MCF2: variants seen among roughly 807,000 people sequenced by gnomAD.
MCF2 encodes MCF.2 cell line derived transforming sequence, also known as proto-oncogene DBL.
A neutral mutation model predicts 82.5 loss-of-function variants in MCF2; 44 were observed. The ratio of observed to expected loss-of-function variants is 0.53; its 90% confidence interval spans 0.42 to 0.69. MCF2 has a LOEUF of 0.69. MCF2 is among the 30% of genes least tolerant of loss of function. MCF2 has a pLI of 0.00. For synonymous variants in MCF2, 217 were observed against 224.9 expected (o/e 0.96, Z 0.32); for missense variants, 623 against 663.1 (o/e 0.94, Z 0.66).
Position 139,585,052 on chromosome X carries a change from A to ATAT in MCF2, c.2745+11_2745+13dup. The stretch of plus-strand genomic sequence containing the variant: ...ACTGCCTCAATAATTTTAATTTACT[A>ATAT]TATTATTACTAACCATGAGGGGCCT... On this transcript the variant is annotated intron_variant, in intron 24 of 24. Transcript: ENST00000370576. 1 of 1,097,749 alleles carries ATAT rather than the reference A, an allele frequency of 9.1e-7. No homozygotes were observed. The highest frequency in any genetic ancestry group is 1.2e-6 in the Non-Finnish European group (1 of 800,874). The allele number at this position is 1,097,749 out of a possible 1,213,427, so 90.5% of individuals were successfully genotyped here.
rs143452284 is a variant in MCF2 at position 139,674,611 on chromosome X, G to C, written c.-44-22823C>G. On this transcript the variant is annotated intron_variant, in intron 1 of 27. Transcript: ENST00000414978. ...TAGTTTGGCTGGATATGAAATTCTGGCTTGAAAATTATTTTCTTTAAGTAT... is the reference window on the plus strand; with the variant it reads ...TAGTTTGGCTGGATATGAAATTCTGCCTTGAAAATTATTTTCTTTAAGTAT... Among the ~76,000 whole-genome samples, 1,111 of 111,903 alleles carry C rather than the reference G, an allele frequency of 9.9e-3. 7 individuals carry two copies. Among genetic ancestry groups the C allele is most frequent in the Non-Finnish European group, 0.017 (882 of 53,194 alleles).
rs776324320 is a variant in MCF2 at position 139,602,669 on chromosome X, A to C, written c.1744-171T>G. On this transcript the variant is annotated intron_variant, in intron 15 of 24. Transcript: ENST00000370576. ...TTTATATTCCAAGAACAGCATGCCC[A>C]TTGCATCTGGTGGGAGGACACATAA... Among the ~76,000 whole-genome samples the C allele has an allele frequency of 3.6e-5, 4 of 112,350 alleles. No homozygotes were observed. In the South Asian group the frequency reaches 1.5e-3, roughly 42 times the overall value.
intron 24 of MCF2, among the ~76,000 whole-genome samples, chrX:139,584,128 C>CAT (rs1184841644): frequency 1.7e-3 from 123 of 72,625 alleles, no homozygotes; most frequent in African/African-American, 6.6e-3. Flanking sequence ...TGCCATTATC[C>CAT]TTTTTTTTTT....
intron 24 of MCF2, among the ~76,000 whole-genome samples, chrX:139,584,428 G>A (rs1395105907): frequency 1.8e-5 from 2 of 111,298 alleles, no homozygotes; most frequent in African/African-American, 6.5e-5. Flanking sequence ...TACCTTCCAA[G>A]CTGGTGACTT....
At chrX:139,688,464 T>C (rs753574969) in intron 1 of MCF2, among the ~76,000 whole-genome samples, 9 of 111,699 alleles carry the variant, frequency 8.1e-5, no homozygotes. Flanking sequence ...AGATGACCCA[T>C]CATCATTGAA....
intron 19 of MCF2, among the ~76,000 whole-genome samples, chrX:139,593,177 G>T (rs955371662): frequency 1.8e-5 from 2 of 111,998 alleles, no homozygotes; most frequent in Non-Finnish European, 3.8e-5. Context: ...TATTTGCATA[G>T]AGGTGTTTAT....
intron 9 of MCF2, among the ~76,000 whole-genome samples, chrX:139,615,623 G>T (rs1426067692): frequency 1.8e-5 from 2 of 111,480 alleles, no homozygotes; most frequent in African/African-American, 3.3e-5. Context: ...GATTTCCTGG[G>T]GCATCCCCTA....
chrX:139,661,378 T>G (rs1474800255), intron 1 of MCF2, among the ~76,000 whole-genome samples: 5 of 111,953 alleles, frequency 4.5e-5, no homozygotes, highest in Non-Finnish European at 9.4e-5. Flanking sequence ...ACAAAGATGT[T>G]GTCCAGGCAG....
At chrX:139,597,322 T>C in intron 18 of MCF2, 138 bp downstream of exon 22, 1 of 495,952 alleles carries the variant, frequency 2.0e-6, no homozygotes. Flanking sequence ...CCACTTAGCA[T>C]TATCAGTAGT....
chrX:139,691,651 G>A (rs1170021527), intron 1 of MCF2, among the ~76,000 whole-genome samples: 2 of 107,710 alleles, frequency 1.9e-5, no homozygotes, highest in African/African-American at 6.8e-5. Flanking sequence ...CTGCAGCGCG[G>A]CAGCTGGCCA....
At chrX:139,611,917 T>C (rs1476971454) in intron 10 of MCF2, among the ~76,000 whole-genome samples, 1 of 110,030 alleles carries the variant, frequency 9.1e-6, no homozygotes, top group African/African-American at 3.3e-5. Flanking sequence ...AAGGAAATAG[T>C]GTTCCAGAGA....
At chrX:139,607,632 T>C (rs1280773588) in intron 12 of MCF2, 59 bp downstream of exon 16, 2 of 846,275 alleles carry the variant, frequency 2.4e-6, no homozygotes, top group Admixed American at 2.6e-5. Flanking sequence ...CCTTGAACAC[T>C]GAACCAGACT....
intron 1 of MCF2, among the ~76,000 whole-genome samples, chrX:139,671,963 ATTTG>A (rs1934711853): frequency 9.0e-6 from 1 of 111,613 alleles, no homozygotes; most frequent in African/African-American, 3.3e-5. Flanking sequence ...ATGTTCTTCC[ATTTG>A]TTTGTGTCCT....
exon 24 of MCF2, chrX:139,585,122 T>C (rs1928836595): frequency 2.5e-6 from 3 of 1,207,769 alleles, no homozygotes; most frequent in Non-Finnish European, 3.4e-6. Flanking sequence ...AAATAGTTGC[T>C]TGACCATTCC....
chrX:139,631,866 G>T (rs1432161758), intron 2 of MCF2, among the ~76,000 whole-genome samples: 1 of 111,203 alleles, frequency 9.0e-6, no homozygotes, highest in Non-Finnish European at 1.9e-5. Flanking sequence ...AGGAGGGGCT[G>T]ACCTTTTCAA....
At chrX:139,631,331 G>T (rs1932918944) in intron 3 of MCF2, 64 bp downstream of exon 6, 1 of 630,279 alleles carries the variant, frequency 1.6e-6, no homozygotes, top group Non-Finnish European at 2.4e-6. Context: ...AAGAATTCTA[G>T]AACTAGATTT....
At chrX:139,605,581 A>G in intron 13 of MCF2, 132 bp downstream of exon 17, 1 of 482,870 alleles carries the variant, frequency 2.1e-6, no homozygotes, top group East Asian at 3.8e-5. Flanking sequence ...ACAATAAAAG[A>G]AATGCCCACT....
In MCF2 at chrX:139,633,617, G is replaced by A. The variant is rs112160470; in HGVS notation, c.52-1163C>T. Among the ~76,000 whole-genome samples the A allele has an allele frequency of 9.0e-3, 998 of 110,988 alleles. 14 individuals are homozygous for A. Among genetic ancestry groups the A allele is most frequent in the African/African-American group, 0.029 (886 of 30,526 alleles). The stretch of plus-strand genomic sequence containing the variant: ...CTGGGGGACAATGGGAGATGGTGTT[G>A]GGAAAACGGGCCAGAACCACATCAG... On this transcript the variant is annotated intron_variant, in intron 1 of 24. Coordinates refer to ENST00000370576, the Ensembl canonical transcript of MCF2.
intron 1 of MCF2, among the ~76,000 whole-genome samples, chrX:139,690,343 T>TTTA (rs1935231089): frequency 9.7e-6 from 1 of 103,597 alleles, no homozygotes; most frequent in Admixed American, 1.0e-4. Context: ...AAGGAGTTTT[T>TTTA]TTTTTTTTTT....
Sources: allele counts gnomAD v4.1 joint callset (sites outside exome capture counted in the v4.1 genomes callset), GRCh38; gene constraint gnomAD v4.1.1; transcripts MANE v1.5; gene names NCBI Gene and HGNC (gene_info 2026-07-23, HGNC 2026-07-21).